SGCZ: variants seen among roughly 807,000 people sequenced by gnomAD.
SGCZ encodes zeta-sarcoglycan.
In SGCZ, 40 loss-of-function variants were observed where a neutral mutation model predicts 41.3. The observed-to-expected ratio is 0.97, with a 90% CI of 0.75 to 1.26. The LOEUF is 1.26. Among genes scored for constraint, SGCZ ranks in the 50% most tolerant of loss-of-function variants. The pLI is 0.00. For missense variants in SGCZ, 552 were observed against 369.8 expected, an observed-to-expected ratio of 1.49 and a Z score of -4.04; for synonymous variants, 206 against 137.5, an observed-to-expected ratio of 1.50 and a Z score of -3.49.
intron 1 of SGCZ, among the ~76,000 whole-genome samples, chr8:14,776,793 C>A (rs1017550953): frequency 1.3e-5 from 2 of 151,972 alleles, no homozygotes; most frequent in African/African-American, 4.8e-5. Flanking sequence ...GCGCCCAGCC[C>A]AGACTAATAC....
intron 1 of SGCZ, among the ~76,000 whole-genome samples, chr8:14,864,674 T>A (rs1803864265): frequency 1.3e-5 from 2 of 152,138 alleles, no homozygotes; most frequent in Admixed American, 6.5e-5. Context: ...CTAATTAAGA[T>A]GAAGACTTCT....
At chr8:14,692,681 C>A (rs1009977205) in intron 1 of SGCZ, among the ~76,000 whole-genome samples, 6 of 152,116 alleles carry the variant, frequency 3.9e-5, no homozygotes, top group Non-Finnish European at 5.9e-5. Flanking sequence ...TTGGGACCAA[C>A]TGAACATAAC....
At chr8:14,635,809 T>C (rs919580154) in intron 1 of SGCZ, among the ~76,000 whole-genome samples, 4 of 151,926 alleles carry the variant, frequency 2.6e-5, no homozygotes, top group Non-Finnish European at 5.9e-5. Flanking sequence ...CAGACTGCTA[T>C]ACTGTAATTG....
intron 2 of SGCZ, among the ~76,000 whole-genome samples, chr8:14,415,851 G>A (rs1799478402): frequency 6.6e-6 from 1 of 151,852 alleles, no homozygotes; most frequent in African/African-American, 2.4e-5. Flanking sequence ...ACATAACTTG[G>A]CCAGTGTGGC....
chr8:14,356,574 G>T (rs368045792), intron 2 of SGCZ, among the ~76,000 whole-genome samples: 1 of 151,672 alleles, frequency 6.6e-6, no homozygotes, highest in South Asian at 2.1e-4. Flanking sequence ...TGCTCCTGAT[G>T]ATGAGGTATA....
At chr8:15,005,853 T>C (rs1802593727) in intron 1 of SGCZ, among the ~76,000 whole-genome samples, 1 of 152,234 alleles carries the variant, frequency 6.6e-6, no homozygotes, top group South Asian at 2.1e-4. Flanking sequence ...TGTTTCATTG[T>C]AATATGACAT....
intron 1 of SGCZ, among the ~76,000 whole-genome samples, chr8:14,995,465 A>G (rs75774118): frequency 0.022 from 3,388 of 152,292 alleles, 146 homozygotes; most frequent in African/African-American, 0.077. Context: ...ATTTGAAAGG[A>G]CAGTGGTGTC....
intron 2 of SGCZ, among the ~76,000 whole-genome samples, chr8:14,445,371 C>A (rs1800401353): frequency 6.6e-6 from 1 of 152,172 alleles, no homozygotes; most frequent in Non-Finnish European, 1.5e-5. Flanking sequence ...CACACCTATC[C>A]TTTGCCTATA....
intron 3 of SGCZ, among the ~76,000 whole-genome samples, chr8:14,244,156 TCTTCCTTCTTCCTCCTCC>T (rs1798993285): frequency 3.4e-4 from 1 of 2,956 alleles, no homozygotes; most frequent in Non-Finnish European, 5.6e-4. Flanking sequence ...TTCCTCCTCC[TCTTCCTTCTTCCTCCTCC>T]TCTTCCTTCT....
At chr8:14,986,726 C>G (rs1218024728) in intron 1 of SGCZ, among the ~76,000 whole-genome samples, 1 of 152,002 alleles carries the variant, frequency 6.6e-6, no homozygotes. Flanking sequence ...AAGATTATCT[C>G]TCCTGACCTG....
intron 1 of SGCZ, among the ~76,000 whole-genome samples, chr8:14,769,836 A>G (rs143725313): frequency 1.4e-5 from 2 of 142,452 alleles, no homozygotes; most frequent in East Asian, 4.2e-4. Flanking sequence ...AAATACTTCA[A>G]TGGCTCCACT....
At chr8:15,212,476 T>C (rs1043355474) in intron 1 of SGCZ, among the ~76,000 whole-genome samples, 27 of 152,126 alleles carry the variant, frequency 1.8e-4, no homozygotes, top group African/African-American at 6.3e-4. Context: ...TGGCTTCTCC[T>C]TTTAAAATAA....
rs570246440 is a variant in SGCZ, at chr8:14,353,182, C to T, written c.235-28978G>A. 6.7e-5 allele frequency among the ~76,000 whole-genome samples: 10 copies of T among 149,862 alleles called. 1 individual carries two copies. The South Asian group carries it at 1.5e-3, about 22-fold the overall frequency. On this transcript the variant is annotated intron_variant, in intron 2 of 7. Coordinates refer to ENST00000382080, the MANE Select transcript of SGCZ (RefSeq NM_139167.4). ...CATTTGCAAAATACCATCTGTTCCT[C>T]TTCATGGAGTTGGTGGGAAGATTAT...
chr8:15,019,151 G>A (rs13267486), intron 1 of SGCZ, among the ~76,000 whole-genome samples: 46,998 of 152,068 alleles, frequency 0.31, 8,545 homozygotes, highest in South Asian at 0.46. Flanking sequence ...TGAGATTTGG[G>A]CAGGGAAACA....
At chr8:14,520,453 A>G (rs1802754875) in intron 2 of SGCZ, among the ~76,000 whole-genome samples, 2 of 152,158 alleles carry the variant, frequency 1.3e-5, no homozygotes, top group South Asian at 2.1e-4. Context: ...TAAGAAACCA[A>G]TGCTTTAGCA....
intron 1 of SGCZ, among the ~76,000 whole-genome samples, chr8:15,020,900 A>T (rs1464728760): frequency 2.6e-5 from 4 of 152,208 alleles, no homozygotes; most frequent in African/African-American, 9.6e-5. Context: ...AAATTTAGAA[A>T]TTCAGTTAAA....
At chr8:14,729,545 G>T (rs779309118) in intron 1 of SGCZ, among the ~76,000 whole-genome samples, 1 of 152,182 alleles carries the variant, frequency 6.6e-6, no homozygotes, top group African/African-American at 2.4e-5. Context: ...TAGGCCATGT[G>T]AGGACACAGT....
chr8:15,079,575 G>C (rs58774726), intron 1 of SGCZ, among the ~76,000 whole-genome samples: 13,383 of 152,214 alleles, frequency 0.088, 876 homozygotes, highest in East Asian at 0.29. Context: ...ATTATTGTCT[G>C]TTAATTTCTC....
At chr8:15,140,135 A>G (rs1808267874) in intron 1 of SGCZ, among the ~76,000 whole-genome samples, 1 of 151,816 alleles carries the variant, frequency 6.6e-6, no homozygotes, top group South Asian at 2.1e-4. Context: ...CATTCCTCCT[A>G]TCTTAGCCTC....
Sources: gnomAD v4.1 joint callset for allele counts (sites outside exome capture counted in the v4.1 genomes callset) on GRCh38, gnomAD v4.1.1 for gene constraint, MANE v1.5 for transcripts, NCBI Gene and HGNC (gene_info 2026-07-23, HGNC 2026-07-21) for gene names.